The following DNER variants were observed in gnomAD, a reference collection of about 807,000 sequenced individuals.
DNER encodes delta and Notch-like epidermal growth factor-related receptor.
In DNER, 33 loss-of-function variants were observed where a neutral mutation model predicts 78.2. That is an observed-to-expected ratio of 0.42 (90% CI 0.32 to 0.56). The LOEUF is 0.56. Ranked by LOEUF, DNER falls within the 20% of genes least tolerant of loss-of-function variation. The pLI is 0.11. For missense variants in DNER, 918 were observed against 975.3 expected (o/e 0.94, Z 0.78); for synonymous variants, 417 against 384.8 (o/e 1.08, Z -0.98).
At chr2:229,659,298 A>G (rs1698965721) in intron 1 of DNER, among the ~76,000 whole-genome samples, 1 of 152,180 alleles carries the variant, frequency 6.6e-6, no homozygotes, top group Admixed American at 6.6e-5. Flanking sequence ...ATACTTAACC[A>G]TAGACACATC....
chr2:229,617,909 G>A (rs930871400), intron 1 of DNER, among the ~76,000 whole-genome samples: 66 of 152,300 alleles, frequency 4.3e-4, no homozygotes, highest in African/African-American at 1.4e-3. Flanking sequence ...CCAACATCAT[G>A]TCACTGATTA....
chr2:229,673,829 T>C (rs1699251593), intron 1 of DNER, among the ~76,000 whole-genome samples: 1 of 152,338 alleles, frequency 6.6e-6, no homozygotes, highest in African/African-American at 2.4e-5. Flanking sequence ...CCCATGGCTC[T>C]TTGCTCTGAG....
chr2:229,516,157 G>GT (rs1405496223), intron 5 of DNER, among the ~76,000 whole-genome samples: 2 of 152,178 alleles, frequency 1.3e-5, no homozygotes, highest in Non-Finnish European at 2.9e-5. Context: ...TAAAATTTTA[G>GT]TTAAATATTT....
intron 1 of DNER, among the ~76,000 whole-genome samples, chr2:229,659,347 C>G (rs1029160686): frequency 6.6e-6 from 1 of 152,132 alleles, no homozygotes; most frequent in African/African-American, 2.4e-5. Context: ...AATGACTCCC[C>G]ACTCCATTCA....
chr2:229,404,632 T>C (rs1693341431), intron 10 of DNER, among the ~76,000 whole-genome samples: 1 of 152,092 alleles, frequency 6.6e-6, no homozygotes, highest in Non-Finnish European at 1.5e-5. Flanking sequence ...GGTAATGCCA[T>C]TTGATGAGCT....
intron 8 of DNER, among the ~76,000 whole-genome samples, chr2:229,436,944 T>C (rs1297283116): frequency 1.3e-5 from 2 of 152,182 alleles, no homozygotes; most frequent in East Asian, 3.9e-4. Flanking sequence ...TCCACACATA[T>C]CAATACTAAC....
rs184784837 is a variant in DNER at position 229,474,803 on chromosome 2, C to G, written c.1261+2337G>C. On this transcript the variant is annotated intron_variant, in intron 7 of 12. Transcript: ENST00000341772. ...CTCCCTCACCTCCCACCACCTTGCT[C>G]CTTCTCAGGCCTCCTCCATTTTCTT... Among the ~76,000 whole-genome samples the G allele has an allele frequency of 3.5e-4, 53 of 152,254 alleles. No individual in the cohort carries two copies. The East Asian group carries it at 0.01, about 29-fold the overall frequency.
intron 6 of DNER, among the ~76,000 whole-genome samples, chr2:229,494,979 CTT>C (rs1559148324): frequency 6.6e-6 from 1 of 152,200 alleles, no homozygotes. Flanking sequence ...TCCATGATCT[CTT>C]TATCAAATGG....
At chr2:229,638,174 T>G (rs1182497366) in intron 1 of DNER, among the ~76,000 whole-genome samples, 1 of 152,238 alleles carries the variant, frequency 6.6e-6, no homozygotes, top group Non-Finnish European at 1.5e-5. Flanking sequence ...GTCACAATCC[T>G]AGCAGGCTTT....
At chr2:229,583,761 C>T (rs1027534995) in intron 4 of DNER, among the ~76,000 whole-genome samples, 1 of 152,178 alleles carries the variant, frequency 6.6e-6, no homozygotes, top group African/African-American at 2.4e-5. Flanking sequence ...ATAACAGTTA[C>T]TTCAAATGTA....
chr2:229,484,983 T>C (rs768663844), intron 6 of DNER, among the ~76,000 whole-genome samples: 1 of 152,180 alleles, frequency 6.6e-6, no homozygotes, highest in African/African-American at 2.4e-5. Flanking sequence ...CGTTGTAAAA[T>C]ACATTGACCC....
intron 5 of DNER, among the ~76,000 whole-genome samples, chr2:229,523,454 G>A (rs560378298): frequency 6.3e-4 from 96 of 152,152 alleles, no homozygotes; most frequent in African/African-American, 2.2e-3. Flanking sequence ...TCTCCTCCCC[G>A]TGTCTTCACA....
intron 1 of DNER, among the ~76,000 whole-genome samples, chr2:229,650,606 C>T (rs1327443098): frequency 6.6e-6 from 1 of 152,110 alleles, no homozygotes; most frequent in Non-Finnish European, 1.5e-5. Context: ...CTGCTGCCAC[C>T]CCTCCATGAA....
chr2:229,448,355 A>G (rs145413818), intron 7 of DNER, among the ~76,000 whole-genome samples: 102 of 152,352 alleles, frequency 6.7e-4, no homozygotes, highest in African/African-American at 2.4e-3. Context: ...ATGGTTGCCT[A>G]TGGCTGGGCC....
chr2:229,653,574 G>A (rs773493242), intron 1 of DNER, among the ~76,000 whole-genome samples: 2 of 146,700 alleles, frequency 1.4e-5, no homozygotes, highest in East Asian at 4.1e-4. Flanking sequence ...AGCACCCCCT[G>A]CCCAACACCA....
chr2:229,628,075 C>A (rs559479746), intron 1 of DNER, among the ~76,000 whole-genome samples: 1 of 152,180 alleles, frequency 6.6e-6, no homozygotes, highest in Non-Finnish European at 1.5e-5. Flanking sequence ...AAGGCCCTCG[C>A]CTGGTCCAGT....
At position 229,380,564 on chromosome 2, in the gene DNER, C is replaced by T. The variant is rs577752949; in HGVS notation, c.1855+7701G>A. Among the ~76,000 whole-genome samples, 10 of 152,252 alleles carry T rather than the reference C, an allele frequency of 6.6e-5. No individual in the cohort carries two copies. In the South Asian group the frequency reaches 1.9e-3, roughly 28 times the overall value. ...TCTTCGGCTATGAAAGATCAAATTG[C>T]CCCAGCTAATTTAAATAAGAAGACA... On this transcript the variant is annotated intron_variant, in intron 11 of 12. Transcript: ENST00000341772.
At chr2:229,554,941 A>AAAAGGAAGGGAAGGG (rs1425593874) in intron 4 of DNER, among the ~76,000 whole-genome samples, 10 of 25,608 alleles carry the variant, frequency 3.9e-4, no homozygotes, top group Non-Finnish European at 5.5e-4. Context: ...AGAAGAGAGA[A>AAAAGGAAGGGAAGGG]AAGGGAAGGG....
chr2:229,486,078 G>A (rs556571661), intron 6 of DNER, among the ~76,000 whole-genome samples: 31 of 152,184 alleles, frequency 2.0e-4, no homozygotes, highest in Non-Finnish European at 3.4e-4. Context: ...GGCCTCAGCC[G>A]TGTCTGCTAA....
Sources: gnomAD v4.1 joint callset for allele counts (sites outside exome capture counted in the v4.1 genomes callset) on GRCh38, gnomAD v4.1.1 for gene constraint, MANE v1.5 for transcripts, NCBI Gene and HGNC (gene_info 2026-07-23, HGNC 2026-07-21) for gene names.